Variants in CNTN5 observed in about 807,000 individuals in gnomAD.
CNTN5 encodes the protein contactin-5.
In CNTN5, 77 loss-of-function variants were observed where a neutral mutation model predicts 129.1. That is an observed-to-expected ratio of 0.60 (90% confidence interval 0.50 to 0.72). The LOEUF (loss-of-function observed/expected upper bound fraction) is 0.72. Among genes scored for constraint, CNTN5 ranks in the 30% least tolerant of loss-of-function variants. CNTN5 has a pLI of 0.00. For missense variants in CNTN5, 1,478 were observed against 1,328.8 expected, an observed-to-expected ratio of 1.11 and a Z score of -1.75; for synonymous variants, 509 against 465.6, an observed-to-expected ratio of 1.09 and a Z score of -1.20.
chr11:100,172,263 A>G (rs1177211670), intron 13 of CNTN5, among the ~76,000 whole-genome samples: 1 of 149,874 alleles, frequency 6.7e-6, no homozygotes, highest in African/African-American at 2.4e-5. Flanking sequence ...ATGAACCTTC[A>G]TGGGGAAAAA....
chr11:99,538,213 C>T (rs1412499426), intron 2 of CNTN5, among the ~76,000 whole-genome samples: 1 of 152,092 alleles, frequency 6.6e-6, no homozygotes, highest in Admixed American at 6.6e-5. Flanking sequence ...GGGATCATGC[C>T]ATCATTTATG....
At chr11:99,630,533 C>G (rs7103504) in intron 3 of CNTN5, among the ~76,000 whole-genome samples, 1 of 151,720 alleles carries the variant, frequency 6.6e-6, no homozygotes, top group Non-Finnish European at 1.5e-5. Flanking sequence ...CCTCACCCCC[C>G]GTTTCACACA....
At chr11:99,596,104 G>A (rs1591335624) in intron 3 of CNTN5, among the ~76,000 whole-genome samples, 1 of 152,264 alleles carries the variant, frequency 6.6e-6, no homozygotes, top group African/African-American at 2.4e-5. Context: ...TACTTTCCAA[G>A]GCTCAGGCAT....
At chr11:99,318,249 C>T (rs1430173155) in intron 1 of CNTN5, among the ~76,000 whole-genome samples, 1 of 151,966 alleles carries the variant, frequency 6.6e-6, no homozygotes, top group Non-Finnish European at 1.5e-5. Flanking sequence ...ATCATTGTGG[C>T]CATTTAATTC....
At chr11:99,771,007 T>G (rs2135334760) in intron 3 of CNTN5, among the ~76,000 whole-genome samples, 1 of 152,188 alleles carries the variant, frequency 6.6e-6, no homozygotes, top group Middle Eastern at 3.4e-3. Flanking sequence ...ATGGTCAAAC[T>G]AATCTTTGAG....
chr11:99,211,308 G>A (rs563983132), intron 1 of CNTN5, among the ~76,000 whole-genome samples: 1 of 152,068 alleles, frequency 6.6e-6, no homozygotes, highest in East Asian at 1.9e-4. Flanking sequence ...AGATTTTTTG[G>A]GGGGTTTGTT....
intron 4 of CNTN5, among the ~76,000 whole-genome samples, chr11:99,834,491 G>A (rs1226712736): frequency 6.6e-6 from 1 of 152,066 alleles, no homozygotes; most frequent in Non-Finnish European, 1.5e-5. Context: ...GTGCCAGCCT[G>A]GATGACGGAG....
intron 3 of CNTN5, among the ~76,000 whole-genome samples, chr11:99,817,044 C>T (rs934258967): frequency 6.6e-6 from 1 of 152,246 alleles, no homozygotes; most frequent in Admixed American, 6.5e-5. Context: ...TCTACCCATG[C>T]GGGGAGCCCA....
At chr11:99,738,633 GTGTGTGTGTA>G (rs931118536) in intron 3 of CNTN5, among the ~76,000 whole-genome samples, 39 of 151,400 alleles carry the variant, frequency 2.6e-4, no homozygotes, top group African/African-American at 6.6e-4. Flanking sequence ...GTGTGTGTGT[GTGTGTGTGTA>G]TGTGTGTGTA....
In CNTN5 at chr11:100,356,315, C is replaced by T; in HGVS notation, c.*95C>T. 2.3e-6 allele frequency: 2 copies of T among 861,546 alleles called. No individual in the cohort carries two copies. The highest frequency in any genetic ancestry group is 3.8e-6 in the Non-Finnish European group (2 of 528,402). 53.4% of individuals were successfully genotyped at this position (861,546 alleles called of 1,614,324 possible). On this transcript the variant is annotated 3_prime_UTR_variant, in exon 25 of 25. Coordinates refer to ENST00000524871, the MANE Select transcript of CNTN5 (RefSeq NM_014361.4). ...TGGAGAACCAGGATCCTGAGATGAG[C>T]TTGAGCTTTAAAAACTTGGGACTAT...
In CNTN5 at chr11:100,018,751, A is replaced by G. The variant is rs1033056218; in HGVS notation, c.980+16615A>G. Among the ~76,000 whole-genome samples the G allele has an allele frequency of 5.3e-5, 8 of 151,960 alleles. 1 individual carries two copies. The highest frequency in any genetic ancestry group is 2.0e-4 in the Admixed American group (3 of 15,236). Reference sequence around the variant, plus strand: ...TAGCTATTGAAAATATTGCTAAACAATTTTTCAAAGTAGTTGTACTATTTT... The same window carrying G: ...TAGCTATTGAAAATATTGCTAAACAGTTTTTCAAAGTAGTTGTACTATTTT... On this transcript the variant is annotated intron_variant, in intron 9 of 24. Coordinates refer to ENST00000524871, the MANE Select transcript of CNTN5 (RefSeq NM_014361.4).
intron 9 of CNTN5, among the ~76,000 whole-genome samples, chr11:100,042,712 T>G (rs985658196): frequency 6.6e-6 from 1 of 152,236 alleles, no homozygotes; most frequent in Admixed American, 6.5e-5. Flanking sequence ...TTGGAGGCAC[T>G]TTTTATCCTG....
At chr11:100,039,441 T>C (rs1432418097) in intron 9 of CNTN5, among the ~76,000 whole-genome samples, 3 of 152,164 alleles carry the variant, frequency 2.0e-5, no homozygotes, top group Non-Finnish European at 4.4e-5. Context: ...CTGACAAATA[T>C]GTGTCTTGGA....
intron 6 of CNTN5, among the ~76,000 whole-genome samples, chr11:99,845,574 G>T (rs974962986): frequency 1.3e-5 from 2 of 151,530 alleles, no homozygotes; most frequent in African/African-American, 4.8e-5. Flanking sequence ...GGGTTTCACC[G>T]TTTCAGCCGG....
At chr11:100,037,228 T>C (rs1006710297) in intron 9 of CNTN5, among the ~76,000 whole-genome samples, 1 of 146,256 alleles carries the variant, frequency 6.8e-6, no homozygotes, top group African/African-American at 2.6e-5. Context: ...GAGATAATCA[T>C]GTGGTTTTTG....
Position 99,745,115 on chromosome 11 carries a change from C to T in CNTN5, c.56-74429C>T, listed in dbSNP as rs376155782. The stretch of plus-strand genomic sequence containing the variant: ...TCCATTAAGCGTTTTTATTGGCAGA[C>T]CTAAAATATATGTTCTTGGTTTGGA... On this transcript the variant is annotated intron_variant, in intron 3 of 24. Coordinates refer to ENST00000524871, the MANE Select transcript of CNTN5 (RefSeq NM_014361.4). Among the ~76,000 whole-genome samples, 10 of 152,246 alleles carry T rather than the reference C, an allele frequency of 6.6e-5. No homozygotes were observed. In the East Asian group the frequency reaches 7.7e-4, roughly 12 times the overall value.
chr11:99,865,499 A>AAT (rs974469297), intron 6 of CNTN5, among the ~76,000 whole-genome samples: 3 of 151,816 alleles, frequency 2.0e-5, no homozygotes, highest in Admixed American at 6.6e-5. Context: ...TTATTAACAA[A>AAT]ATATATATAT....
At chr11:100,324,871 CATTT>C (rs777925970) in intron 21 of CNTN5, among the ~76,000 whole-genome samples, 55 of 152,110 alleles carry the variant, frequency 3.6e-4, no homozygotes, top group Non-Finnish European at 7.8e-4. Context: ...AACTAAGCAT[CATTT>C]ATTTATTTTA....
At chr11:99,209,262 T>G (rs1482045260) in intron 1 of CNTN5, among the ~76,000 whole-genome samples, 1 of 152,136 alleles carries the variant, frequency 6.6e-6, no homozygotes, top group Non-Finnish European at 1.5e-5. Context: ...AAGTAATATC[T>G]GTGACCGGGT....
Sources: allele counts gnomAD v4.1 joint callset (sites outside exome capture counted in the v4.1 genomes callset), GRCh38; gene constraint gnomAD v4.1.1; transcripts MANE v1.5; gene names NCBI Gene and HGNC (gene_info 2026-07-23, HGNC 2026-07-21).